GALNT6: variants seen among roughly 807,000 people sequenced by gnomAD.
GALNT6 encodes GalNAc transferase 6.
Under a neutral mutation model 65.9 loss-of-function variants are expected in GALNT6, and 51 were observed. The observed-to-expected ratio is 0.77, with a 90% CI of 0.62 to 0.98. The LOEUF (loss-of-function observed/expected upper bound fraction) is 0.98, where lower values mean the gene tolerates loss of function less well. Ranked by LOEUF, GALNT6 falls within the 50% of genes least tolerant of loss-of-function variation. The pLI, the probability that GALNT6 is intolerant of heterozygous loss-of-function variation, is 0.00. For synonymous variants in GALNT6, 323 were observed against 315.1 expected, an observed-to-expected ratio of 1.02 and a Z score of -0.26; for missense variants, 708 against 803.3, an observed-to-expected ratio of 0.88 and a Z score of 1.43.
chr12:51,390,392 G>A (rs1421059692), intron 2 of GALNT6, among the ~76,000 whole-genome samples: 2 of 151,998 alleles, frequency 1.3e-5, no homozygotes, highest in Non-Finnish European at 2.9e-5. Flanking sequence ...TCGAACTCCT[G>A]ATCTCAGGTG....
At chr12:51,364,505 G>T (rs1947031864) in intron 5 of GALNT6, 150 bp from the exon 6 acceptor site, 1 of 624,968 alleles carries the variant, frequency 1.6e-6, no homozygotes, top group Admixed American at 2.9e-5. Context: ...GGAGCACACA[G>T]AATTTCCTAA....
At chr12:51,359,662 G>A (rs1170484215) in intron 7 of GALNT6, 2 of 206,636 alleles carry the variant, frequency 9.7e-6, no homozygotes, top group Admixed American at 5.9e-5. Flanking sequence ...TGATCACTTG[G>A]CTTTTTGACC....
chr12:51,355,720 G>A lies in GALNT6; in HGVS notation c.1755+86C>T, dbSNP rs1592309017. 4.6e-6 allele frequency: 6 copies of A among 1,303,022 alleles called. No homozygotes were observed. In the African/African-American group the frequency reaches 7.3e-5, roughly 16 times the overall value. 80.7% of individuals were successfully genotyped at this position (1,303,022 alleles called of 1,614,324 possible). Reference sequence around the variant, plus strand: ...CTGACCTCGTGATCTGCCCTCCTCGGCCTCTCAAAGTGCTGGGATTACAGG... The same window carrying A: ...CTGACCTCGTGATCTGCCCTCCTCGACCTCTCAAAGTGCTGGGATTACAGG... On this transcript the variant is annotated intron_variant, in intron 11 of 11. Transcript: ENST00000356317.
chr12:51,379,392 G>C lies in GALNT6; in HGVS notation c.390C>G (p.Thr130=), dbSNP rs759771120. ...TCTTATAGCCTTCTTCCTTTTCCTG[G>C]GTCTCCAGGGGGGTCCACTTGCTCT... ...FQKSKWTPLE[T]QEKEEGYKKH... Residue 130 remains threonine (T), a synonymous_variant, in exon 3 of 12, where the codon ACC becomes ACG. Coordinates refer to ENST00000356317, the MANE Select transcript of GALNT6 (RefSeq NM_007210.4). 6.3e-7 allele frequency: 1 copy of C among 1,591,860 alleles called. No individual in the cohort carries two copies. Among genetic ancestry groups the C allele is most frequent in the East Asian group, 2.2e-5 (1 of 44,672 alleles).
At chr12:51,371,541 G>A (rs376722157) in intron 4 of GALNT6, among the ~76,000 whole-genome samples, 2 of 152,060 alleles carry the variant, frequency 1.3e-5, no homozygotes, top group East Asian at 1.9e-4. Context: ...TGGCTACTCC[G>A]GTGAAAAGAG....
At chr12:51,383,449 C>T (rs1433186290) in intron 2 of GALNT6, 2 of 152,208 alleles carry the variant, frequency 1.3e-5, no homozygotes, top group East Asian at 3.9e-4. Flanking sequence ...GTTGCCAGTG[C>T]TCAAGACTCA....
intron 4 of GALNT6, among the ~76,000 whole-genome samples, chr12:51,370,035 A>G (rs1331551055): frequency 6.6e-6 from 1 of 152,242 alleles, no homozygotes; most frequent in Non-Finnish European, 1.5e-5. Flanking sequence ...TCCTTAAAAA[A>G]AACTAAAGAC....
chr12:51,379,699 T>A lies in GALNT6; in HGVS notation c.83A>T (p.His28Leu). Residue 28 changes from histidine to leucine, a missense_variant, in exon 3 of 12, where the codon CAT becomes CTT. Coordinates refer to ENST00000356317, the MANE Select transcript of GALNT6 (RefSeq NM_007210.4). ...CTCCTCTCTGCTGCTCACATCCCTATGCAGGAGGAAGAGGAAGAGCACAAA... is the reference window on the plus strand; with the variant it reads ...CTCCTCTCTGCTGCTCACATCCCTAAGCAGGAGGAAGAGGAAGAGCACAAA... ...CAFVLFLFLLHRDVSSREEAT... is the reference protein window; with the variant it reads ...CAFVLFLFLLLRDVSSREEAT... The A allele has an allele frequency of 6.2e-7, 1 of 1,614,034 alleles. No homozygotes were observed. The highest frequency in any genetic ancestry group is 8.5e-7 in the Non-Finnish European group (1 of 1,179,962).
At chr12:51,361,031 A>G (rs1946910925) in intron 6 of GALNT6, among the ~76,000 whole-genome samples, 193 bp from the exon 7 acceptor site, 2 of 152,188 alleles carry the variant, frequency 1.3e-5, no homozygotes, top group South Asian at 4.1e-4. Flanking sequence ...TTCTAGGACC[A>G]GGTCAAGGAA....
chr12:51,360,838 T>C lies in GALNT6; in HGVS notation c.1050A>G (p.Lys350=), dbSNP rs12811227. Residue 350 remains lysine, a splice_region_variant and synonymous_variant, in exon 7 of 12, where the codon AAA becomes AAG. Transcript: ENST00000356317. The part of the protein sequence containing the change: ...QRRKDETYPI[K]SPTFAGGLFS... Reference sequence around the variant, plus strand: ...AGAGGCCACCAGCAAACGTCGGGGATCTGGAGAGACAGAGGGAGAAGTGTG... The same window carrying C: ...AGAGGCCACCAGCAAACGTCGGGGACCTGGAGAGACAGAGGGAGAAGTGTG... The C allele has an allele frequency of 4.6e-5, 74 of 1,599,144 alleles. 1 individual carries two copies. In the Admixed American group the frequency reaches 1.2e-3, roughly 26 times the overall value.
At chr12:51,375,743 A>G (rs539154644) in intron 4 of GALNT6, among the ~76,000 whole-genome samples, 2 of 151,526 alleles carry the variant, frequency 1.3e-5, no homozygotes, top group South Asian at 4.2e-4. Flanking sequence ...TTTTTAGTAG[A>G]TACGGGGTTT....
At chr12:51,358,022 A>G (rs1946803108) in intron 9 of GALNT6, 108 bp downstream of exon 9, 1 of 1,092,190 alleles carries the variant, frequency 9.2e-7, no homozygotes, top group Non-Finnish European at 1.3e-6. Flanking sequence ...AGGAGGGTGC[A>G]GGGCAAAACT....
intron 4 of GALNT6, among the ~76,000 whole-genome samples, chr12:51,368,350 C>A (rs1947178193): frequency 6.6e-6 from 1 of 150,486 alleles, no homozygotes; most frequent in African/African-American, 2.4e-5. Context: ...GAAGGAAAGT[C>A]TCTATAATTT....
chr12:51,358,130 G>C lies in GALNT6; in HGVS notation c.1500C>G (p.Ala500=). 2 of 1,612,956 alleles carry C rather than the reference G, an allele frequency of 1.2e-6. No homozygotes were observed. Residue 500 remains alanine (A), a splice_region_variant and synonymous_variant, in exon 9 of 12, where the codon GCC becomes GCG. Transcript: ENST00000356317. ...VPDLTPTFYG[A]IKNLGTNQCL... The stretch of plus-strand genomic sequence containing the variant: ...AGGCAGGTTGGTTCTCAAGACTTAC[G>C]GCACCATAGAAGGTGGGCGTCAGGT...
At chr12:51,375,870 TG>T (rs1215661729) in intron 4 of GALNT6, among the ~76,000 whole-genome samples, 3 of 151,980 alleles carry the variant, frequency 2.0e-5, no homozygotes, top group South Asian at 2.1e-4. Flanking sequence ...TTTTTTGTTT[TG>T]TTTTTTTGAG....
intron 2 of GALNT6, among the ~76,000 whole-genome samples, chr12:51,386,065 A>G (rs1244072473): frequency 6.6e-6 from 1 of 152,254 alleles, no homozygotes; most frequent in Admixed American, 6.5e-5. Context: ...CACTGGCTTC[A>G]CTAAATGATG....
chr12:51,375,380 C>T lies in GALNT6; in HGVS notation c.664+1815G>A, dbSNP rs570228850. ...TTCCACTGCAGACCAGCCCTAGCCA[C>T]GCCAGGCAGAAATGGCACCTCCTGG... is the stretch of plus-strand genomic sequence containing the variant. On this transcript the variant is annotated intron_variant, in intron 4 of 11. Coordinates refer to ENST00000356317, the MANE Select transcript of GALNT6 (RefSeq NM_007210.4). 6.6e-5 allele frequency among the ~76,000 whole-genome samples: 10 copies of T among 152,286 alleles called. No homozygotes were observed. In the South Asian group the frequency reaches 1.0e-3, roughly 16 times the overall value.
rs1456773357 is a variant in GALNT6, at chr12:51,364,183, G to A, written c.987C>T (p.Phe329=). ...CATGTGGAGGAAGTGTTTCCCAGCC[G>A]AAGGTCAGGCTCCAGTCAAAGTTGC... is the stretch of plus-strand genomic sequence containing the variant. ...SRGNFDWSLT[F]GWETLPPHEK... is the part of the protein sequence containing the mutation. The change falls in exon 6 of 12, where the codon TTC becomes TTT. Residue 329 remains phenylalanine, a synonymous_variant. Transcript: ENST00000356317. 4 of 1,614,154 alleles carry A rather than the reference G, an allele frequency of 2.5e-6. No individual in the cohort carries two copies. The highest frequency in any genetic ancestry group is 1.1e-5 in the South Asian group (1 of 91,072).
intron 2 of GALNT6, among the ~76,000 whole-genome samples, chr12:51,384,018 G>A (rs1352400284): frequency 6.6e-6 from 1 of 152,008 alleles, no homozygotes; most frequent in African/African-American, 2.4e-5. Context: ...CTCACCTTTG[G>A]GCTCCCACAC....
Sources: gnomAD v4.1 joint callset for allele counts (sites outside exome capture counted in the v4.1 genomes callset) on GRCh38, gnomAD v4.1.1 for gene constraint, MANE v1.5 for transcripts, NCBI Gene and HGNC (gene_info 2026-07-23, HGNC 2026-07-21) for gene names.